The following CNBD1 variants were observed in gnomAD, a reference collection of about 807,000 sequenced individuals.
CNBD1 encodes cyclic nucleotide-binding domain-containing protein 1.
CNBD1 carries 71 observed loss-of-function variants against 54.4 expected under a neutral mutation model. The ratio of observed to expected loss-of-function variants is 1.30; its 90% confidence interval spans 1.08 to 1.59. The LOEUF (loss-of-function observed/expected upper bound fraction) is 1.59, where lower values mean the gene tolerates loss of function less well. Ranked by LOEUF, CNBD1 falls within the 40% of genes most tolerant of loss-of-function variation. The pLI, the probability that CNBD1 is intolerant of heterozygous loss-of-function variation, is 0.00. For missense variants in CNBD1, 659 were observed against 518.0 expected, an observed-to-expected ratio of 1.27 and a Z score of -2.64; for synonymous variants, 182 against 170.7, an observed-to-expected ratio of 1.07 and a Z score of -0.51.
At chr8:87,102,847 T>A (rs1463139594) in intron 4 of CNBD1, among the ~76,000 whole-genome samples, 3 of 151,970 alleles carry the variant, frequency 2.0e-5, no homozygotes, top group Admixed American at 6.6e-5. Context: ...ATCTCCTGAC[T>A]TCGTGATCCG....
intron 3 of CNBD1, among the ~76,000 whole-genome samples, chr8:86,930,295 G>C (rs1282006918): frequency 6.6e-6 from 1 of 152,184 alleles, no homozygotes; most frequent in Non-Finnish European, 1.5e-5. Flanking sequence ...TGTAGGCAGA[G>C]CTGGGTGTTT....
At chr8:87,222,937 T>C (rs1051869359) in intron 5 of CNBD1, among the ~76,000 whole-genome samples, 1 of 152,118 alleles carries the variant, frequency 6.6e-6, no homozygotes, top group Non-Finnish European at 1.5e-5. Flanking sequence ...GGTATATAAA[T>C]ACTTTTATGA....
chr8:86,941,574 T>G (rs903360535), intron 4 of CNBD1, among the ~76,000 whole-genome samples: 3 of 152,164 alleles, frequency 2.0e-5, no homozygotes, highest in Non-Finnish European at 4.4e-5. Context: ...GTTTCTGATC[T>G]GAGATGTGGG....
chr8:87,255,604 T>A (rs1253762523), intron 6 of CNBD1, among the ~76,000 whole-genome samples: 1 of 151,924 alleles, frequency 6.6e-6, no homozygotes, highest in Non-Finnish European at 1.5e-5. Flanking sequence ...TATAATTTTT[T>A]AGCATTTAAT....
At chr8:87,377,624 T>G (rs1450160082) in intron 10 of CNBD1, among the ~76,000 whole-genome samples, 1 of 150,974 alleles carries the variant, frequency 6.6e-6, no homozygotes, top group African/African-American at 2.5e-5. Context: ...CGTGTGCATG[T>G]GTCTTTATAG....
intron 2 of CNBD1, among the ~76,000 whole-genome samples, chr8:87,389,153 G>A (rs1368605428): frequency 2.0e-5 from 3 of 152,114 alleles, no homozygotes; most frequent in East Asian, 3.9e-4. Context: ...CATCCTGAAT[G>A]GGCAAAAACT....
chr8:86,901,491 G>A (rs1808931941), intron 2 of CNBD1, among the ~76,000 whole-genome samples: 1 of 152,102 alleles, frequency 6.6e-6, no homozygotes, highest in Non-Finnish European at 1.5e-5. Flanking sequence ...AGACCTGTGA[G>A]CAAAACTGAA....
intron 4 of CNBD1, among the ~76,000 whole-genome samples, chr8:86,961,790 T>C (rs1807934880): frequency 6.6e-6 from 1 of 152,276 alleles, no homozygotes; most frequent in Admixed American, 6.5e-5. Flanking sequence ...ATTGCAGCTT[T>C]ATTTTTCTTT....
intron 10 of CNBD1, among the ~76,000 whole-genome samples, chr8:87,363,412 G>T (rs1810564575): frequency 6.6e-6 from 1 of 152,096 alleles, no homozygotes; most frequent in Non-Finnish European, 1.5e-5. Flanking sequence ...AGATCCTTGA[G>T]GAATTGTCAC....
intron 4 of CNBD1, among the ~76,000 whole-genome samples, chr8:87,114,418 T>A (rs1811729935): frequency 6.6e-6 from 1 of 152,220 alleles, no homozygotes; most frequent in Admixed American, 6.5e-5. Context: ...TGGCTTGATC[T>A]TGTCTCACTA....
At chr8:87,322,087 AATG>A (rs1251783563) in intron 8 of CNBD1, among the ~76,000 whole-genome samples, 1 of 128,516 alleles carries the variant, frequency 7.8e-6, no homozygotes, top group African/African-American at 3.1e-5. Flanking sequence ...GTTTACTGAG[AATG>A]ATGATTTCCA....
At chr8:87,150,222 T>C (rs1407949388) in intron 4 of CNBD1, among the ~76,000 whole-genome samples, 3 of 151,792 alleles carry the variant, frequency 2.0e-5, no homozygotes, top group Non-Finnish European at 4.4e-5. Context: ...GAAAACAGCT[T>C]TGTAGGATGG....
chr8:87,335,935 A>G (rs984996454), intron 8 of CNBD1, among the ~76,000 whole-genome samples: 1 of 152,130 alleles, frequency 6.6e-6, no homozygotes, highest in Non-Finnish European at 1.5e-5. Flanking sequence ...GCTTGTCTGA[A>G]AAGGATTTTA....
intron 4 of CNBD1, among the ~76,000 whole-genome samples, chr8:87,149,290 C>T (rs1812552515): frequency 6.6e-6 from 1 of 152,038 alleles, no homozygotes; most frequent in Non-Finnish European, 1.5e-5. Context: ...GATGGGCCTC[C>T]CCTGGATTGA....
At chr8:87,243,915 T>C (rs1242558561) in intron 6 of CNBD1, among the ~76,000 whole-genome samples, 1 of 152,178 alleles carries the variant, frequency 6.6e-6, no homozygotes, top group Non-Finnish European at 1.5e-5. Context: ...GACTGGAGTA[T>C]AAAGTTTATG....
intron 8 of CNBD1, 100 bp from the exon 9 acceptor site, chr8:87,351,585 T>C (rs1277901834): frequency 9.2e-7 from 1 of 1,082,366 alleles, no homozygotes; most frequent in Non-Finnish European, 1.3e-6. Flanking sequence ...TTACTATTAA[T>C]AGTTATTGAA....
chr8:87,168,459 A>G (rs979401161), intron 4 of CNBD1, among the ~76,000 whole-genome samples: 2 of 151,922 alleles, frequency 1.3e-5, no homozygotes, highest in Non-Finnish European at 2.9e-5. Context: ...TTATTTTTAA[A>G]TGTACCATTA....
intron 4 of CNBD1, among the ~76,000 whole-genome samples, chr8:87,132,756 T>C (rs991960247): frequency 3.4e-5 from 5 of 147,700 alleles, no homozygotes; most frequent in Admixed American, 1.4e-4. Flanking sequence ...TTTGCATATA[T>C]ATGGAAATAT....
At chr8:86,967,071 C>G (rs1476528188) in intron 4 of CNBD1, among the ~76,000 whole-genome samples, 1 of 152,144 alleles carries the variant, frequency 6.6e-6, no homozygotes, top group East Asian at 1.9e-4. Context: ...AAAAGTTCTC[C>G]AAGTCCCCAC....
Sources: gnomAD v4.1 joint callset for allele counts (sites outside exome capture counted in the v4.1 genomes callset) on GRCh38, gnomAD v4.1.1 for gene constraint, MANE v1.5 for transcripts, NCBI Gene and HGNC (gene_info 2026-07-23, HGNC 2026-07-21) for gene names.